The following NRG3 variants were observed in gnomAD, a reference collection of about 807,000 sequenced individuals.
NRG3 encodes pro-neuregulin-3, membrane-bound isoform.
NRG3 carries 31 observed loss-of-function variants against 66.9 expected under a neutral mutation model. The ratio of observed to expected loss-of-function variants is 0.46; its 90% CI spans 0.35 to 0.63. The LOEUF is 0.63. Among genes scored for constraint, NRG3 ranks in the 20% least tolerant of loss-of-function variants. NRG3 has a pLI of 0.00. For synonymous variants in NRG3, 393 were observed against 359.4 expected, an observed-to-expected ratio of 1.09 and a Z score of -1.06; for missense variants, 910 against 878.9, an observed-to-expected ratio of 1.04 and a Z score of -0.45.
chr10:81,971,396 C>G (rs979886271), intron 1 of NRG3, among the ~76,000 whole-genome samples: 2 of 152,028 alleles, frequency 1.3e-5, no homozygotes. Context: ...TTGTTTACCA[C>G]TGATAAAGAC....
At chr10:82,813,940 C>T (rs535081677) in intron 3 of NRG3, among the ~76,000 whole-genome samples, 4 of 152,316 alleles carry the variant, frequency 2.6e-5, no homozygotes, top group East Asian at 1.9e-4. Flanking sequence ...GCTGGCCTGG[C>T]GCGTGACTCC....
intron 1 of NRG3, among the ~76,000 whole-genome samples, chr10:82,253,019 C>T (rs1434389805): frequency 6.6e-6 from 1 of 152,194 alleles, no homozygotes; most frequent in African/African-American, 2.4e-5. Context: ...ACACCCCGAT[C>T]TCTCATTCCC....
intron 1 of NRG3, among the ~76,000 whole-genome samples, chr10:82,270,864 G>A (rs989515784): frequency 6.6e-6 from 1 of 152,060 alleles, no homozygotes; most frequent in African/African-American, 2.4e-5. Context: ...TACTGTGGAT[G>A]CCCAATGCAT....
At chr10:82,494,511 G>A (rs576708631) in intron 2 of NRG3, among the ~76,000 whole-genome samples, 19 of 152,040 alleles carry the variant, frequency 1.2e-4, no homozygotes, top group East Asian at 1.2e-3. Flanking sequence ...ATGGATTTGC[G>A]TGAGAATTAG....
chr10:82,630,811 A>G (rs1056126152), intron 2 of NRG3, among the ~76,000 whole-genome samples: 2 of 152,220 alleles, frequency 1.3e-5, no homozygotes, highest in Non-Finnish European at 2.9e-5. Flanking sequence ...TATTCCTTAA[A>G]TAGATACACA....
intron 4 of NRG3, among the ~76,000 whole-genome samples, chr10:82,931,594 C>T (rs573607659): frequency 1.6e-4 from 25 of 152,182 alleles, no homozygotes; most frequent in South Asian, 4.1e-4. Flanking sequence ...CCTGAAACTT[C>T]GTTCATTGCA....
At chr10:82,925,631 T>C (rs896257003) in intron 4 of NRG3, among the ~76,000 whole-genome samples, 3 of 152,216 alleles carry the variant, frequency 2.0e-5, no homozygotes, top group Admixed American at 6.5e-5. Context: ...GAAGACTCCT[T>C]TGCCAAGGGT....
At chr10:82,897,756 G>A (rs993555292) in intron 4 of NRG3, among the ~76,000 whole-genome samples, 9 of 152,072 alleles carry the variant, frequency 5.9e-5, no homozygotes, top group Non-Finnish European at 8.8e-5. Flanking sequence ...CAGACCTCAG[G>A]TGATCCACCC....
chr10:82,503,342 A>G (rs551997747), intron 2 of NRG3, among the ~76,000 whole-genome samples: 2 of 152,314 alleles, frequency 1.3e-5, no homozygotes, highest in East Asian at 3.9e-4. Flanking sequence ...TGGAGATCTC[A>G]GGAAAATCTG....
intron 1 of NRG3, among the ~76,000 whole-genome samples, chr10:82,051,947 A>T (rs1205475948): frequency 6.6e-6 from 1 of 151,972 alleles, no homozygotes; most frequent in Non-Finnish European, 1.5e-5. Context: ...TGGCTTAGCA[A>T]TGTCTTCTTC....
chr10:81,933,796 G>A (rs557305067), intron 1 of NRG3, among the ~76,000 whole-genome samples: 13 of 152,180 alleles, frequency 8.5e-5, no homozygotes, highest in Non-Finnish European at 1.8e-4. Context: ...AGAGTAGCCT[G>A]TATTTCTGCT....
chr10:82,658,091 A>G (rs773910407), intron 2 of NRG3, among the ~76,000 whole-genome samples: 3 of 152,182 alleles, frequency 2.0e-5, no homozygotes, highest in Non-Finnish European at 2.9e-5. Context: ...CAAAGACTTT[A>G]CAAGAAAATA....
intron 2 of NRG3, among the ~76,000 whole-genome samples, chr10:82,672,658 C>G (rs2134050622): frequency 6.6e-6 from 1 of 152,282 alleles, no homozygotes; most frequent in South Asian, 2.1e-4. Flanking sequence ...CAAATCAAAA[C>G]AAAACAAATC....
intron 2 of NRG3, among the ~76,000 whole-genome samples, chr10:82,459,990 C>G (rs2131954119): frequency 6.6e-6 from 1 of 152,330 alleles, no homozygotes; most frequent in South Asian, 2.1e-4. Context: ...TCATGATTCT[C>G]TTTATTTTGA....
intron 2 of NRG3, among the ~76,000 whole-genome samples, chr10:82,584,314 G>A (rs1267133457): frequency 1.3e-5 from 2 of 152,028 alleles, no homozygotes; most frequent in African/African-American, 4.8e-5. Context: ...TTGAATTTGT[G>A]ACCTCAGGTG....
intron 1 of NRG3, among the ~76,000 whole-genome samples, chr10:81,951,664 CCTT>C (rs1849366283): frequency 6.6e-6 from 1 of 152,170 alleles, no homozygotes; most frequent in African/African-American, 2.4e-5. Flanking sequence ...CACTTACCCT[CCTT>C]AAATTGGTCA....
At chr10:82,283,557 A>G (rs1220529979) in intron 1 of NRG3, among the ~76,000 whole-genome samples, 3 of 152,186 alleles carry the variant, frequency 2.0e-5, no homozygotes, top group Non-Finnish European at 4.4e-5. Flanking sequence ...CTCGGTTCCT[A>G]TAGTATCCAA....
chr10:82,265,269 G>A (rs1004141433), intron 1 of NRG3, among the ~76,000 whole-genome samples: 4 of 152,152 alleles, frequency 2.6e-5, no homozygotes, highest in African/African-American at 9.7e-5. Flanking sequence ...ACAGAGATCT[G>A]CTGAAACCCA....
intron 1 of NRG3, among the ~76,000 whole-genome samples, chr10:82,031,194 G>A (rs1388639256): frequency 1.3e-5 from 2 of 152,092 alleles, no homozygotes; most frequent in African/African-American, 4.8e-5. Flanking sequence ...AGGTATGGTT[G>A]TTTCAACTGA....
Sources: gnomAD v4.1 joint callset for allele counts (sites outside exome capture counted in the v4.1 genomes callset) on GRCh38, gnomAD v4.1.1 for gene constraint, MANE v1.5 for transcripts, NCBI Gene and HGNC (gene_info 2026-07-23, HGNC 2026-07-21) for gene names.